The following LRMDA variants were observed in gnomAD, a reference collection of about 807,000 sequenced individuals.
The protein encoded by LRMDA is leucine-rich melanocyte differentiation-associated protein.
In LRMDA, 18 loss-of-function variants were observed where a neutral mutation model predicts 29.8. The observed-to-expected ratio is 0.60, with a 90% CI of 0.42 to 0.90. The LOEUF (loss-of-function observed/expected upper bound fraction) is 0.90. LRMDA is among the 40% of genes least tolerant of loss of function. The pLI, the probability that LRMDA is intolerant of heterozygous loss-of-function variation, is 0.00. For missense variants in LRMDA, 273 were observed against 273.9 expected (o/e 1.00, Z 0.02); for synonymous variants, 125 against 109.4 (o/e 1.14, Z -0.89).
chr10:75,745,530 C>T (rs1376354692), intron 2 of LRMDA, among the ~76,000 whole-genome samples: 1 of 152,138 alleles, frequency 6.6e-6, no homozygotes, highest in Non-Finnish European at 1.5e-5. Context: ...TTTAGATTTA[C>T]AGAAAAGTTG....
intron 2 of LRMDA, among the ~76,000 whole-genome samples, chr10:75,880,920 G>C (rs1178193088): frequency 6.6e-6 from 1 of 152,324 alleles, no homozygotes; most frequent in South Asian, 2.1e-4. Flanking sequence ...GACAGGAAAC[G>C]CAGGAACAGC....
intron 2 of LRMDA, among the ~76,000 whole-genome samples, chr10:75,517,141 C>A (rs1228219729): frequency 1.3e-5 from 2 of 152,104 alleles, no homozygotes; most frequent in African/African-American, 4.8e-5. Flanking sequence ...CATGATGCCT[C>A]CAGCTTTGTT....
chr10:75,670,386 AT>A (rs11417572), intron 2 of LRMDA, among the ~76,000 whole-genome samples: 7 of 151,980 alleles, frequency 4.6e-5, no homozygotes, highest in Non-Finnish European at 8.8e-5. Context: ...TAACCAGAGC[AT>A]TTTTTTTAAA....
At chr10:76,361,762 T>G (rs1841315906) in intron 6 of LRMDA, among the ~76,000 whole-genome samples, 1 of 152,162 alleles carries the variant, frequency 6.6e-6, no homozygotes, top group Non-Finnish European at 1.5e-5. Context: ...CCTAGAAAAT[T>G]TAACACTGAT....
intron 5 of LRMDA, among the ~76,000 whole-genome samples, chr10:76,147,862 T>C (rs986575940): frequency 3.9e-5 from 6 of 152,206 alleles, no homozygotes; most frequent in Admixed American, 2.6e-4. Context: ...GATGCACTTT[T>C]TGTGTGGATG....
At chr10:76,529,048 A>G (rs557455666) in intron 6 of LRMDA, among the ~76,000 whole-genome samples, 19 of 152,296 alleles carry the variant, frequency 1.2e-4, no homozygotes, top group African/African-American at 4.6e-4. Flanking sequence ...GTTGACGTTA[A>G]GAAAATCTCG....
At chr10:76,184,772 C>A (rs113735698) in intron 5 of LRMDA, among the ~76,000 whole-genome samples, 1 of 152,114 alleles carries the variant, frequency 6.6e-6, no homozygotes, top group African/African-American at 2.4e-5. Flanking sequence ...CTTCTTTTCC[C>A]CCAGTACGTG....
intron 2 of LRMDA, among the ~76,000 whole-genome samples, chr10:75,554,773 A>T (rs1840193771): frequency 6.6e-6 from 1 of 152,214 alleles, no homozygotes; most frequent in African/African-American, 2.4e-5. Flanking sequence ...GCAAGTTAAC[A>T]TCTTTCTTTG....
At chr10:75,668,718 C>A (rs879352882) in intron 2 of LRMDA, among the ~76,000 whole-genome samples, 4 of 152,158 alleles carry the variant, frequency 2.6e-5, no homozygotes, top group African/African-American at 4.8e-5. Flanking sequence ...TGACTTTTAA[C>A]TAGAAATCTA....
chr10:76,440,917 C>T (rs1842296028), intron 6 of LRMDA, among the ~76,000 whole-genome samples: 1 of 152,162 alleles, frequency 6.6e-6, no homozygotes. Flanking sequence ...ATATATTGAA[C>T]AGAAAATCTC....
chr10:75,646,217 T>C (rs922352982), intron 2 of LRMDA, among the ~76,000 whole-genome samples: 6 of 152,234 alleles, frequency 3.9e-5, no homozygotes, highest in Non-Finnish European at 7.3e-5. Context: ...TTGATGCAGT[T>C]GTCAGACGGT....
intron 2 of LRMDA, among the ~76,000 whole-genome samples, chr10:75,913,833 C>T (rs966729079): frequency 1.3e-5 from 2 of 152,158 alleles, no homozygotes; most frequent in African/African-American, 4.8e-5. Context: ...AAATTGGGTC[C>T]GGCTTTCTAT....
rs745337113 is a variant in LRMDA at position 76,252,929 on chromosome 10, G to A, written c.517-71472G>A. ...AGGAATTCATATTGATATTAGACTCGTGGAACCTGAGGATTGGAAGAAACA... is the reference window on the plus strand; with the variant it reads ...AGGAATTCATATTGATATTAGACTCATGGAACCTGAGGATTGGAAGAAACA... On this transcript the variant is annotated intron_variant, in intron 5 of 6. Coordinates refer to ENST00000611255, the MANE Select transcript of LRMDA (RefSeq NM_001305581.2). 1.2e-4 allele frequency among the ~76,000 whole-genome samples: 19 copies of A among 152,168 alleles called. 1 individual carries two copies. Among genetic ancestry groups the A allele is most frequent in the Admixed American group, 9.2e-4 (14 of 15,272 alleles).
intron 2 of LRMDA, among the ~76,000 whole-genome samples, chr10:75,743,915 G>GA (rs754692643): frequency 2.0e-5 from 3 of 152,106 alleles, no homozygotes; most frequent in Non-Finnish European, 2.9e-5. Flanking sequence ...ACAACCCAAA[G>GA]AAAAAATTGG....
chr10:75,723,051 C>T (rs1455586495), intron 2 of LRMDA, among the ~76,000 whole-genome samples: 2 of 152,182 alleles, frequency 1.3e-5, no homozygotes, highest in Non-Finnish European at 2.9e-5. Flanking sequence ...TTGAGAAACA[C>T]GATGGGAAGT....
intron 2 of LRMDA, among the ~76,000 whole-genome samples, chr10:75,734,688 C>T (rs1250290286): frequency 1.3e-5 from 2 of 152,246 alleles, no homozygotes; most frequent in African/African-American, 4.8e-5. Context: ...GACCTGGATT[C>T]CCCTCTGTGG....
intron 5 of LRMDA, among the ~76,000 whole-genome samples, chr10:76,219,570 C>A (rs916398204): frequency 9.9e-5 from 15 of 152,180 alleles, no homozygotes; most frequent in Non-Finnish European, 1.9e-4. Flanking sequence ...AGCTAACTAT[C>A]CTAAATATAT....
At chr10:75,959,749 A>T (rs1293182554) in intron 2 of LRMDA, among the ~76,000 whole-genome samples, 2 of 152,202 alleles carry the variant, frequency 1.3e-5, no homozygotes, top group East Asian at 3.9e-4. Flanking sequence ...ATCTATGTGA[A>T]TGACTAATAT....
chr10:75,481,851 T>C (rs1844858567), intron 2 of LRMDA, among the ~76,000 whole-genome samples: 1 of 152,200 alleles, frequency 6.6e-6, no homozygotes, highest in Non-Finnish European at 1.5e-5. Flanking sequence ...TGGGGACTTA[T>C]GCACATGCTG....
Sources: allele counts gnomAD v4.1 joint callset (sites outside exome capture counted in the v4.1 genomes callset), GRCh38; gene constraint gnomAD v4.1.1; transcripts MANE v1.5; gene names NCBI Gene and HGNC (gene_info 2026-07-23, HGNC 2026-07-21).